TNNI3K: variants seen among roughly 807,000 people sequenced by gnomAD.
TNNI3K encodes TNNI3 interacting kinase.
A neutral mutation model predicts 114.5 loss-of-function variants in TNNI3K; 140 were observed. That is an observed-to-expected ratio of 1.22 (90% CI 1.07 to 1.41). The LOEUF (loss-of-function observed/expected upper bound fraction) is 1.41. TNNI3K is among the 40% of genes most tolerant of loss of function. The probability of loss-of-function intolerance (pLI) is 0.00; values close to 1 mark genes in which losing one functional copy is unlikely to be tolerated. For missense variants in TNNI3K, 1,125 were observed against 1,007.6 expected (o/e 1.12, Z -1.58); for synonymous variants, 347 against 347.5 (o/e 1.00, Z 0.02).
intron 20 of TNNI3K, among the ~76,000 whole-genome samples, chr1:74,451,199 G>C (rs756856770): frequency 1.3e-5 from 2 of 151,972 alleles, no homozygotes; most frequent in Admixed American, 1.3e-4. Flanking sequence ...TAAACAATGA[G>C]AACACATGGA....
At chr1:74,398,658 A>C (rs941516558) in intron 17 of TNNI3K, among the ~76,000 whole-genome samples, 1 of 152,164 alleles carries the variant, frequency 6.6e-6, no homozygotes, top group African/African-American at 2.4e-5. Context: ...TGTGGTCAAA[A>C]TAATTTTAGA....
At chr1:74,494,825 C>A (rs563761836) in intron 23 of TNNI3K, among the ~76,000 whole-genome samples, 50 of 152,264 alleles carry the variant, frequency 3.3e-4, no homozygotes, top group African/African-American at 1.1e-3. Flanking sequence ...ATTGTCATAG[C>A]AGTGACAGTA....
chr1:74,482,992 G>T (rs1668580025), intron 21 of TNNI3K, among the ~76,000 whole-genome samples: 1 of 152,202 alleles, frequency 6.6e-6, no homozygotes, highest in African/African-American at 2.4e-5. Flanking sequence ...TGATATATTT[G>T]TTAAGTGTGT....
At chr1:74,324,252 A>G (rs1246582814) in intron 5 of TNNI3K, among the ~76,000 whole-genome samples, 1 of 152,242 alleles carries the variant, frequency 6.6e-6, no homozygotes, top group Non-Finnish European at 1.5e-5. Flanking sequence ...ACCTGTGTCC[A>G]GTATTTTCCT....
intron 17 of TNNI3K, among the ~76,000 whole-genome samples, chr1:74,434,461 G>T (rs896704448): frequency 7.2e-5 from 11 of 151,828 alleles, no homozygotes; most frequent in Admixed American, 5.3e-4. Flanking sequence ...CCAGTATAAA[G>T]AAATTTTCCT....
At chr1:74,308,979 A>G (rs982522766) in intron 5 of TNNI3K, among the ~76,000 whole-genome samples, 4 of 152,180 alleles carry the variant, frequency 2.6e-5, no homozygotes, top group Non-Finnish European at 5.9e-5. Flanking sequence ...AAACCAAACA[A>G]TAAAAAATTA....
At chr1:74,509,587 A>G (rs1670074030) in intron 23 of TNNI3K, among the ~76,000 whole-genome samples, 2 of 152,136 alleles carry the variant, frequency 1.3e-5, no homozygotes, top group Admixed American at 1.3e-4. Flanking sequence ...GAGGACAATG[A>G]ATTATGAAAT....
At chr1:74,481,374 G>T (rs895223726) in intron 21 of TNNI3K, among the ~76,000 whole-genome samples, 2 of 152,154 alleles carry the variant, frequency 1.3e-5, no homozygotes, top group Non-Finnish European at 2.9e-5. Context: ...GCCTGTGTCT[G>T]ACCCCCATAG....
chr1:74,423,925 A>G (rs2100640621), intron 17 of TNNI3K, among the ~76,000 whole-genome samples: 1 of 152,266 alleles, frequency 6.6e-6, no homozygotes, highest in South Asian at 2.1e-4. Context: ...TTAATACCTA[A>G]CATCATGTCT....
At chr1:74,310,788 AC>A (rs1658946246) in intron 5 of TNNI3K, among the ~76,000 whole-genome samples, 2 of 152,214 alleles carry the variant, frequency 1.3e-5, no homozygotes, top group Admixed American at 6.5e-5. Context: ...TGAACTAAGA[AC>A]TTAAAGATAC....
chr1:74,480,048 C>T, intron 21 of TNNI3K: 1 of 618,150 alleles, frequency 1.6e-6, no homozygotes, highest in South Asian at 2.0e-5. Context: ...CCTCTCCTTT[C>T]CATAGCCCTG....
At chr1:74,513,425 G>A (rs1646296912) in intron 23 of TNNI3K, among the ~76,000 whole-genome samples, 1 of 152,206 alleles carries the variant, frequency 6.6e-6, no homozygotes. Context: ...TGTTCCCTCA[G>A]AAGAAAAGGT....
rs1381612858 is a variant in TNNI3K, at chr1:74,521,290, T to C, written c.2352-18944T>C. On this transcript the variant is annotated intron_variant, in intron 23 of 24. Coordinates refer to ENST00000326637, the MANE Select transcript of TNNI3K (RefSeq NM_015978.3). ...TCATTAACTTCTTTCTAGTTGCTCT[T>C]TGCTTCCTAATCTATAAAACAGGCA... Among the ~76,000 whole-genome samples, 3 of 152,286 alleles carry C rather than the reference T, an allele frequency of 2.0e-5. No homozygotes were observed. In the South Asian group the frequency reaches 6.2e-4, roughly 32 times the overall value.
At chr1:74,364,334 C>T (rs1419757805) in intron 11 of TNNI3K, among the ~76,000 whole-genome samples, 1 of 151,778 alleles carries the variant, frequency 6.6e-6, no homozygotes. Flanking sequence ...GTCTTTAGTA[C>T]TACTTTTATC....
chr1:74,395,446 C>G (rs577652804), intron 17 of TNNI3K, among the ~76,000 whole-genome samples: 2 of 152,148 alleles, frequency 1.3e-5, no homozygotes, highest in Non-Finnish European at 2.9e-5. Flanking sequence ...AACCCATAGA[C>G]AAACCTGAGA....
rs142891617 is a variant in TNNI3K, at chr1:74,317,279, T to A, written c.445-14171T>A. 6.3e-3 allele frequency among the ~76,000 whole-genome samples: 954 copies of A among 152,252 alleles called. 11 individuals carry two copies. The highest frequency in any genetic ancestry group is 0.021 in the African/African-American group (891 of 41,550). ...CTTACAACCTGAGAATCTGAGTAGG[T>A]GTTAGTCAAGTAAAGAGAGGAAGAA... On this transcript the variant is annotated intron_variant, in intron 5 of 24. Transcript: ENST00000326637.
chr1:74,540,910 A>G (rs1375582503), intron 24 of TNNI3K, among the ~76,000 whole-genome samples: 1 of 152,194 alleles, frequency 6.6e-6, no homozygotes, highest in Non-Finnish European at 1.5e-5. Flanking sequence ...CTTTGAAATA[A>G]TTAACAAAGT....
At chr1:74,276,971 A>G (rs1038418772) in intron 5 of TNNI3K, among the ~76,000 whole-genome samples, 16 of 152,118 alleles carry the variant, frequency 1.1e-4, no homozygotes, top group Non-Finnish European at 1.5e-4. Flanking sequence ...CTTCTCTTTG[A>G]CTGATACATC....
intron 17 of TNNI3K, among the ~76,000 whole-genome samples, chr1:74,414,777 G>A (rs1336985749): frequency 6.6e-6 from 1 of 151,894 alleles, no homozygotes; most frequent in Non-Finnish European, 1.5e-5. Flanking sequence ...TCTCACTATC[G>A]GCATCACTGC....
Sources: allele counts gnomAD v4.1 joint callset (sites outside exome capture counted in the v4.1 genomes callset), GRCh38; gene constraint gnomAD v4.1.1; transcripts MANE v1.5; gene names NCBI Gene and HGNC (gene_info 2026-07-23, HGNC 2026-07-21).